Variants in KCND2 observed in about 807,000 individuals in gnomAD.
KCND2 encodes the protein A-type voltage-gated potassium channel KCND2.
A neutral mutation model predicts 54.4 loss-of-function variants in KCND2; 16 were observed. The observed-to-expected ratio is 0.29, with a 90% CI of 0.20 to 0.45. The LOEUF is 0.45. Ranked by LOEUF, KCND2 falls within the 20% of genes least tolerant of loss-of-function variation. The pLI is 1.00. For synonymous variants in KCND2, 317 were observed against 310.7 expected (o/e 1.02, Z -0.21); for missense variants, 486 against 824.2 (o/e 0.59, Z 5.02).
intron 1 of KCND2, among the ~76,000 whole-genome samples, chr7:120,348,586 G>A (rs560383423): frequency 1.3e-5 from 2 of 152,152 alleles, no homozygotes; most frequent in South Asian, 2.1e-4. Context: ...TACAAATAGG[G>A]ATTCACATAG....
intron 1 of KCND2, among the ~76,000 whole-genome samples, chr7:120,606,970 T>C (rs960449500): frequency 1.3e-5 from 2 of 152,142 alleles, no homozygotes; most frequent in African/African-American, 4.8e-5. Flanking sequence ...GTGGATTGCA[T>C]TGAATCTGTA....
chr7:120,309,461 A>ATG lies in KCND2; in HGVS notation c.1115+33715_1115+33716insGT, dbSNP rs1554425407. On this transcript the variant is annotated intron_variant, in intron 1 of 5. Transcript: ENST00000331113. ...TAAATATAATAGAAAACATATATAT[A>ATG]TATATATATATATACACACACACAC... 2.6e-5 allele frequency among the ~76,000 whole-genome samples: 3 copies of ATG among 116,762 alleles called. 1 individual carries two copies. The highest frequency in any genetic ancestry group is 9.8e-5 in the African/African-American group (3 of 30,610). 76.6% of individuals were successfully genotyped at this position (116,762 alleles called of 152,430 possible). A position where few individuals can be genotyped will look rare whatever the true frequency, so the allele number is the denominator to read the frequency against.
chr7:120,579,500 G>A (rs1384690781), intron 1 of KCND2, among the ~76,000 whole-genome samples: 1 of 151,762 alleles, frequency 6.6e-6, no homozygotes, highest in Non-Finnish European at 1.5e-5. Flanking sequence ...TACTCAAGAG[G>A]CTGAGGCAGG....
intron 1 of KCND2, among the ~76,000 whole-genome samples, chr7:120,281,223 A>G (rs527523064): frequency 1.5e-4 from 23 of 152,276 alleles, no homozygotes; most frequent in Admixed American, 9.2e-4. Context: ...AAAAGGAAGT[A>G]TATTTTTTCC....
At chr7:120,615,113 T>A (rs1266785441) in intron 1 of KCND2, among the ~76,000 whole-genome samples, 1 of 152,150 alleles carries the variant, frequency 6.6e-6, no homozygotes, top group African/African-American at 2.4e-5. Flanking sequence ...CTACATACCA[T>A]CAGTAACAAT....
intron 1 of KCND2, among the ~76,000 whole-genome samples, chr7:120,678,772 A>G (rs1039191924): frequency 7.0e-6 from 1 of 143,574 alleles, no homozygotes; most frequent in Non-Finnish European, 1.5e-5. Context: ...ATATATATAT[A>G]TATATACACA....
chr7:120,507,584 C>A (rs1198150097), intron 1 of KCND2, among the ~76,000 whole-genome samples: 3 of 151,792 alleles, frequency 2.0e-5, no homozygotes, highest in African/African-American at 7.2e-5. Flanking sequence ...GGTTGGAATG[C>A]AAATATGATG....
intron 1 of KCND2, among the ~76,000 whole-genome samples, chr7:120,465,212 G>T (rs562563989): frequency 3.3e-5 from 5 of 152,082 alleles, no homozygotes; most frequent in African/African-American, 1.2e-4. Flanking sequence ...AGTCCACTGC[G>T]CTTGTCTCAA....
In KCND2 at chr7:120,404,937, C is replaced by T. The variant is rs530109135; in HGVS notation, c.1115+129190C>T. 3.3e-5 allele frequency among the ~76,000 whole-genome samples: 5 copies of T among 152,070 alleles called. No individual in the cohort carries two copies. The East Asian group carries it at 9.7e-4, about 29-fold the overall frequency. ...ATGTAAAGATAGATAATATAATTAC[C>T]ATACACAAGTAGATTCAGTCACTCC... On this transcript the variant is annotated intron_variant, in intron 1 of 5. Coordinates refer to ENST00000331113, the MANE Select transcript of KCND2 (RefSeq NM_012281.3).
intron 1 of KCND2, among the ~76,000 whole-genome samples, chr7:120,374,889 C>T (rs184391949): frequency 6.6e-6 from 1 of 151,874 alleles, no homozygotes; most frequent in East Asian, 1.9e-4. Flanking sequence ...TGATGAGCTT[C>T]ACCAATTGTC....
At chr7:120,423,287 G>A (rs1301685227) in intron 1 of KCND2, among the ~76,000 whole-genome samples, 5 of 152,144 alleles carry the variant, frequency 3.3e-5, no homozygotes, top group Admixed American at 6.5e-5. Context: ...TTCTCCAAAT[G>A]TATCTTTCAC....
intron 1 of KCND2, among the ~76,000 whole-genome samples, chr7:120,407,349 A>G (rs1801377305): frequency 6.6e-6 from 1 of 152,012 alleles, no homozygotes; most frequent in Admixed American, 6.6e-5. Context: ...AGAAGTACAC[A>G]TTATCTTGAA....
chr7:120,639,743 G>C (rs568468980), intron 1 of KCND2, among the ~76,000 whole-genome samples: 37 of 152,224 alleles, frequency 2.4e-4, no homozygotes, highest in African/African-American at 8.9e-4. Context: ...TGTCTGCCTT[G>C]TCGTGTTACG....
intron 1 of KCND2, among the ~76,000 whole-genome samples, chr7:120,697,825 A>G (rs1792350403): frequency 6.6e-6 from 1 of 152,228 alleles, no homozygotes; most frequent in Non-Finnish European, 1.5e-5. Context: ...TTATGTATCA[A>G]GTGGTGTCAA....
At chr7:120,505,484 T>C (rs1195653554) in intron 1 of KCND2, among the ~76,000 whole-genome samples, 6 of 151,856 alleles carry the variant, frequency 4.0e-5, no homozygotes, top group Admixed American at 6.6e-5. Flanking sequence ...TAAGGAAATA[T>C]AGAGAAACGG....
chr7:120,387,303 A>C (rs1227972799), intron 1 of KCND2, among the ~76,000 whole-genome samples: 1 of 152,082 alleles, frequency 6.6e-6, no homozygotes, highest in African/African-American at 2.4e-5. Context: ...TTTTGGTATA[A>C]ATCAAAATTT....
rs543724967 is a variant in KCND2 at position 120,319,277 on chromosome 7, T to G, written c.1115+43530T>G. 2.8e-4 allele frequency among the ~76,000 whole-genome samples: 43 copies of G among 152,150 alleles called. 1 individual carries two copies. The South Asian group carries it at 5.2e-3, about 18-fold the overall frequency. On this transcript the variant is annotated intron_variant, in intron 1 of 5. Coordinates refer to ENST00000331113, the MANE Select transcript of KCND2 (RefSeq NM_012281.3). ...GCATCCCTCCAGAATCATTGTGGAG[T>G]AACAAGGGCATAGCTATGGAGGTAC...
intron 1 of KCND2, among the ~76,000 whole-genome samples, chr7:120,474,791 G>A (rs545479447): frequency 1.3e-5 from 2 of 152,060 alleles, no homozygotes; most frequent in African/African-American, 4.8e-5. Flanking sequence ...CCCAGGACAC[G>A]TAAAGCTTAT....
At chr7:120,681,631 T>A (rs1792141034) in intron 1 of KCND2, among the ~76,000 whole-genome samples, 1 of 152,106 alleles carries the variant, frequency 6.6e-6, no homozygotes, top group Admixed American at 6.6e-5. Flanking sequence ...TTCCTTCTAC[T>A]AAATTTTTAT....
Sources: allele counts gnomAD v4.1 joint callset (sites outside exome capture counted in the v4.1 genomes callset), GRCh38; gene constraint gnomAD v4.1.1; transcripts MANE v1.5; gene names NCBI Gene and HGNC (gene_info 2026-07-23, HGNC 2026-07-21).